NDUFS1: variants seen among roughly 807,000 people sequenced by gnomAD.
NDUFS1 encodes the protein NADH-ubiquinone oxidoreductase 75 kDa subunit, mitochondrial.
NDUFS1 carries 61 observed loss-of-function variants against 84.4 expected under a neutral mutation model. That is an observed-to-expected ratio of 0.72 (90% CI 0.59 to 0.89). The LOEUF (loss-of-function observed/expected upper bound fraction) is 0.89, where lower values mean the gene tolerates loss of function less well. NDUFS1 is among the 40% of genes least tolerant of loss of function. The pLI, the probability that NDUFS1 is intolerant of heterozygous loss-of-function variation, is 0.00. For missense variants in NDUFS1, 891 were observed against 890.0 expected, an observed-to-expected ratio of 1.00 and a Z score of -0.01; for synonymous variants, 275 against 290.0, an observed-to-expected ratio of 0.95 and a Z score of 0.53.
chr2:206,129,743 C>G (rs540366024), intron 15 of NDUFS1, among the ~76,000 whole-genome samples: 1 of 152,116 alleles, frequency 6.6e-6, no homozygotes, highest in Non-Finnish European at 1.5e-5. Context: ...AGGCGCCCGC[C>G]ACCACGCTCG....
At position 206,127,978 on chromosome 2, in the gene NDUFS1, C is replaced by G; in HGVS notation, c.1709-6G>C. 1 of 1,613,866 alleles carries G rather than the reference C, an allele frequency of 6.2e-7. No homozygotes were observed. Among genetic ancestry groups the G allele is most frequent in the Non-Finnish European group, 8.5e-7 (1 of 1,179,920 alleles). ...CCCAACATCACCATGATGTCCTGCA[C>G]AAAGATGGAAAATGGTAAACCAAAA... On this transcript the variant is annotated splice_polypyrimidine_tract_variant and splice_region_variant and intron_variant, in intron 15 of 18. Coordinates refer to ENST00000233190, the MANE Select transcript of NDUFS1 (RefSeq NM_005006.7).
intron 1 of NDUFS1, among the ~76,000 whole-genome samples, chr2:206,154,554 T>A (rs1332083307): frequency 2.0e-5 from 3 of 152,202 alleles, no homozygotes; most frequent in African/African-American, 7.2e-5. Context: ...TAAATGGGTG[T>A]CGATTATATA....
intron 13 of NDUFS1, among the ~76,000 whole-genome samples, chr2:206,136,676 C>T (rs1691729373): frequency 6.6e-6 from 1 of 151,896 alleles, no homozygotes; most frequent in African/African-American, 2.4e-5. Flanking sequence ...TCAGGTGATC[C>T]ATACACCTTG....
chr2:206,143,438 T>A (rs1359804036), intron 10 of NDUFS1, among the ~76,000 whole-genome samples: 1 of 152,228 alleles, frequency 6.6e-6, no homozygotes, highest in Non-Finnish European at 1.5e-5. Flanking sequence ...TTACCTTAAA[T>A]GCGACCTCCT....
At chr2:206,150,604 C>T (rs1692335478) in intron 3 of NDUFS1, among the ~76,000 whole-genome samples, 1 of 152,146 alleles carries the variant, frequency 6.6e-6, no homozygotes, top group Admixed American at 6.5e-5. Flanking sequence ...TTCCTTTGTG[C>T]AGGATGCAGG....
At chr2:206,151,072 T>C (rs1692354243) in intron 3 of NDUFS1, among the ~76,000 whole-genome samples, 1 of 152,228 alleles carries the variant, frequency 6.6e-6, no homozygotes, top group Non-Finnish European at 1.5e-5. Context: ...AGGGCTTTTG[T>C]AGTATCCTGT....
At chr2:206,155,087 G>T (rs1576001477) in intron 1 of NDUFS1, among the ~76,000 whole-genome samples, 1 of 151,584 alleles carries the variant, frequency 6.6e-6, no homozygotes, top group Non-Finnish European at 1.5e-5. Flanking sequence ...GCACAACCAT[G>T]CCAGGCTAAT....
At position 206,124,137 on chromosome 2, in the gene NDUFS1, A is replaced by G. The variant is rs951603078; in HGVS notation, c.*48T>C. The G allele has an allele frequency of 8.6e-6, 10 of 1,161,540 alleles. No homozygotes were observed. Among genetic ancestry groups the G allele is most frequent in the Non-Finnish European group, 1.3e-5 (10 of 766,848 alleles). 72.0% of individuals were successfully genotyped at this position (1,161,540 alleles called of 1,614,324 possible). A position where few individuals can be genotyped will look rare whatever the true frequency, so the allele number is the denominator to read the frequency against. ...AACCTGTAAAGGATCACTGCACTAC[A>G]GTTGTCCATTAATTATCTGCGGCAA... On this transcript the variant is annotated 3_prime_UTR_variant, in exon 19 of 19. Coordinates refer to ENST00000233190, the MANE Select transcript of NDUFS1 (RefSeq NM_005006.7).
At position 206,132,984 on chromosome 2, in the gene NDUFS1, C is replaced by A. The variant is rs773117812; in HGVS notation, c.1514G>T (p.Gly505Val). 1.9e-6 allele frequency: 3 copies of A among 1,613,940 alleles called. No homozygotes were observed. Among genetic ancestry groups the A allele is most frequent in the Admixed American group, 3.3e-5 (2 of 60,004 alleles). ...SIAQKIRMTS[G>V]VTGDWKVMNI... ...CATAACTTTCCAATCACCAGTAACACCACTAGTCATCCGAATCTTTTGTGC... is the reference window on the plus strand; with the variant it reads ...CATAACTTTCCAATCACCAGTAACAACACTAGTCATCCGAATCTTTTGTGC... The change falls in exon 14 of 19, where the codon GGT becomes GTT. Residue 505 changes from glycine (G) to valine (V), a missense_variant. Coordinates refer to ENST00000233190, the MANE Select transcript of NDUFS1 (RefSeq NM_005006.7).
rs1218279026 is a variant in NDUFS1 at position 206,144,990 on chromosome 2, T to A, written c.774A>T (p.Gly258=). 6.2e-7 allele frequency: 1 copy of A among 1,614,064 alleles called. No homozygotes were observed. Among genetic ancestry groups the A allele is most frequent in the Non-Finnish European group, 8.5e-7 (1 of 1,179,968 alleles). ...TESIDVMDAV[G]SNIVVSTRTG... ...TTCTTGTGCTAACCACAATATTACT[T>A]CCAACCGCATCCATTACATCAATGG... The change falls in exon 9 of 19, where the codon GGA becomes GGT. Residue 258 remains glycine, a synonymous_variant. Transcript: ENST00000233190.
intron 13 of NDUFS1, among the ~76,000 whole-genome samples, chr2:206,135,633 C>T (rs1445744366): frequency 1.3e-5 from 2 of 150,878 alleles, no homozygotes; most frequent in African/African-American, 4.9e-5. Context: ...ATCATGCCAC[C>T]GTACTGCACT....
At position 206,149,006 on chromosome 2, in the gene NDUFS1, T is replaced by C. The variant is rs757190189; in HGVS notation, c.338+14A>G. The C allele has an allele frequency of 7.3e-5, 115 of 1,579,684 alleles. 3 individuals carry two copies. The South Asian group carries it at 1.2e-3, about 17-fold the overall frequency. ...CTTTATGAAAGGGTACTACATTGAA[T>C]AACAATAAAGTACCTGGCTTTTTTG... On this transcript the variant is annotated intron_variant, in intron 5 of 18. Transcript: ENST00000233190.
At chr2:206,149,681 C>T (rs1692293322) in intron 4 of NDUFS1, 137 bp downstream of exon 4, 2 of 692,518 alleles carry the variant, frequency 2.9e-6, no homozygotes, top group Non-Finnish European at 5.2e-6. Context: ...ATCAATTGTA[C>T]AAAAGAATTA....
chr2:206,157,124 G>A (rs1485809748), intron 1 of NDUFS1, among the ~76,000 whole-genome samples: 2 of 152,148 alleles, frequency 1.3e-5, no homozygotes, highest in African/African-American at 2.4e-5. Context: ...GCTAATTTTT[G>A]TATTTTCAGT....
chr2:206,138,972 TG>T (rs894785161), intron 12 of NDUFS1, among the ~76,000 whole-genome samples: 2 of 151,890 alleles, frequency 1.3e-5, no homozygotes, highest in Non-Finnish European at 2.9e-5. Flanking sequence ...CAGTATTAGC[TG>T]GACATGGTAG....
In NDUFS1 at chr2:206,123,994, CACAAT is replaced by C. The variant is rs1691184075; in HGVS notation, c.*186_*190del. 1 of 569,246 alleles carries C rather than the reference CACAAT, an allele frequency of 1.8e-6. No individual in the cohort carries two copies. Among genetic ancestry groups the C allele is most frequent in the African/African-American group, 1.9e-5 (1 of 53,346 alleles). 35.3% of individuals were successfully genotyped at this position (569,246 alleles called of 1,614,324 possible). On this transcript the variant is annotated 3_prime_UTR_variant, in exon 19 of 19. Coordinates refer to ENST00000233190, the MANE Select transcript of NDUFS1 (RefSeq NM_005006.7). ...ATAGTTTTGTTATTTAACCTTTACA[CACAAT>C]ACATGTTTTTCAAACTGCAAAGTTG... is the stretch of plus-strand genomic sequence containing the variant.
chr2:206,151,530 A>C (rs1692371872), intron 3 of NDUFS1, among the ~76,000 whole-genome samples: 1 of 152,190 alleles, frequency 6.6e-6, no homozygotes, highest in Non-Finnish European at 1.5e-5. Context: ...CATTTATATC[A>C]TATTTTGTGC....
chr2:206,158,498 T>C (rs1163268654), intron 1 of NDUFS1, among the ~76,000 whole-genome samples: 1 of 152,202 alleles, frequency 6.6e-6, no homozygotes, highest in Non-Finnish European at 1.5e-5. Context: ...TCGTAGTAAA[T>C]GTTCAATAAC....
At chr2:206,157,475 G>T (rs1687705846) in intron 1 of NDUFS1, among the ~76,000 whole-genome samples, 1 of 152,126 alleles carries the variant, frequency 6.6e-6, no homozygotes, top group Non-Finnish European at 1.5e-5. Context: ...TTATCACCAA[G>T]TTCTAGAACT....
Sources: allele counts gnomAD v4.1 joint callset (sites outside exome capture counted in the v4.1 genomes callset), GRCh38; gene constraint gnomAD v4.1.1; transcripts MANE v1.5; gene names NCBI Gene and HGNC (gene_info 2026-07-23, HGNC 2026-07-21).